The following DENND4A variants were observed in gnomAD, a reference collection of about 807,000 sequenced individuals.
The protein encoded by DENND4A is DENN domain containing 4A, also known as C-myc promoter-binding protein.
DENND4A carries 70 observed loss-of-function variants against 199.3 expected under a neutral mutation model. The ratio of observed to expected loss-of-function variants is 0.35; its 90% CI spans 0.29 to 0.43. The LOEUF (loss-of-function observed/expected upper bound fraction) is 0.43. DENND4A is among the 20% of genes least tolerant of loss of function. The probability of loss-of-function intolerance (pLI) is 1.00; values close to 1 mark genes in which losing one functional copy is unlikely to be tolerated. For missense variants in DENND4A, 1,723 were observed against 2,255.8 expected, an observed-to-expected ratio of 0.76 and a Z score of 4.78; for synonymous variants, 686 against 766.9, an observed-to-expected ratio of 0.89 and a Z score of 1.74.
chr15:65,692,401 T>C (rs1261015566), intron 22 of DENND4A, among the ~76,000 whole-genome samples: 1 of 152,228 alleles, frequency 6.6e-6, no homozygotes, highest in Admixed American at 6.5e-5. Context: ...ATCACTTTAA[T>C]TGTTCTTACT....
At chr15:65,735,832 T>C (rs2076100359) in intron 7 of DENND4A, among the ~76,000 whole-genome samples, 1 of 152,150 alleles carries the variant, frequency 6.6e-6, no homozygotes, top group Non-Finnish European at 1.5e-5. Flanking sequence ...GGCTCACACC[T>C]GTAATCCCCA....
chr15:65,683,348 TGATA>T (rs2076646818), intron 23 of DENND4A, among the ~76,000 whole-genome samples: 1 of 152,236 alleles, frequency 6.6e-6, no homozygotes, highest in South Asian at 2.1e-4. Flanking sequence ...TTGGTTTTAT[TGATA>T]TTCTTATGCT....
At chr15:65,694,625 A>G (rs1474145757) in intron 22 of DENND4A, among the ~76,000 whole-genome samples, 1 of 152,214 alleles carries the variant, frequency 6.6e-6, no homozygotes, top group Non-Finnish European at 1.5e-5. Flanking sequence ...GTACTGCAAA[A>G]TATAAATAAA....
chr15:65,786,570 G>GA (rs548521096), intron 1 of DENND4A, among the ~76,000 whole-genome samples: 4 of 148,452 alleles, frequency 2.7e-5, no homozygotes, highest in Admixed American at 1.3e-4. Flanking sequence ...TCTCTAAAAA[G>GA]AAAAAAAAAT....
intron 2 of DENND4A, among the ~76,000 whole-genome samples, chr15:65,758,224 T>C (rs2076763563): frequency 6.6e-6 from 1 of 152,198 alleles, no homozygotes; most frequent in Non-Finnish European, 1.5e-5. Flanking sequence ...AATGCATGCT[T>C]ACAACAGATT....
At position 65,664,883 on chromosome 15, in the gene DENND4A, AGACAAATAAT is replaced by A. The variant is rs530288032; in HGVS notation, c.5360-171_5360-162del. ...CCAAGAATGAAGAAAGCAAAAAATA[AGACAAATAAT>A]GACAAAAAAAGGTCTAAAGCTTTCT... On this transcript the variant is annotated intron_variant, in intron 30 of 32. Transcript: ENST00000443035. The A allele has an allele frequency of 2.4e-4, 148 of 618,480 alleles. 1 individual carries two copies. In the East Asian group the frequency reaches 3.7e-3, roughly 15 times the overall value. 38.3% of individuals were successfully genotyped at this position (618,480 alleles called of 1,614,324 possible). A position where few individuals can be genotyped will look rare whatever the true frequency, so the allele number is the denominator to read the frequency against.
chr15:65,756,694 T>C (rs1459435584), intron 2 of DENND4A, among the ~76,000 whole-genome samples: 2 of 152,326 alleles, frequency 1.3e-5, no homozygotes, highest in African/African-American at 4.8e-5. Flanking sequence ...ATTTTGGCAA[T>C]AGTGAAACCT....
At chr15:65,725,972 T>G (rs1017028150) in intron 11 of DENND4A, 1 of 152,176 alleles carries the variant, frequency 6.6e-6, no homozygotes, top group African/African-American at 2.4e-5. Flanking sequence ...AGTTCGCTAG[T>G]CTAGTCCTCC....
At chr15:65,709,719 A>AAAAATATATATATATAT (rs1218030026) in intron 14 of DENND4A, among the ~76,000 whole-genome samples, 9 of 51,468 alleles carry the variant, frequency 1.7e-4, no homozygotes, top group African/African-American at 4.0e-4. Flanking sequence ...AAAAAAAAAA[A>AAAAATATATATATATAT]ATATATATAT....
rs146445948 is a variant in DENND4A at position 65,752,859 on chromosome 15, C to T, written c.312-231G>A. On this transcript the variant is annotated intron_variant, in intron 3 of 32. Transcript: ENST00000443035. ...AAACCATTGTGTTTGTTAATATAAA[C>T]CAGAGAAAGGTACAATTAAATGTGA... 2.5e-4 allele frequency among the ~76,000 whole-genome samples: 38 copies of T among 152,136 alleles called. No homozygotes were observed. In the East Asian group the frequency reaches 7.3e-3, roughly 29 times the overall value.
At chr15:65,693,206 C>T (rs1471200758) in intron 22 of DENND4A, among the ~76,000 whole-genome samples, 1 of 152,050 alleles carries the variant, frequency 6.6e-6, no homozygotes, top group African/African-American at 2.4e-5. Context: ...GACATAATTC[C>T]GGCCAGTGAT....
At position 65,706,073 on chromosome 15, in the gene DENND4A, A is replaced by G; in HGVS notation, c.2087+18T>C. On this transcript the variant is annotated intron_variant, in intron 15 of 32. Coordinates refer to ENST00000443035, the MANE Select transcript of DENND4A (RefSeq NM_001320835.1). ...TTGCTTCTCTCTTTCAATCTCAAACATTCTGCCTCTTGAATACCTGTACTG... is the reference window on the plus strand; with the variant it reads ...TTGCTTCTCTCTTTCAATCTCAAACGTTCTGCCTCTTGAATACCTGTACTG... 3 of 1,534,154 alleles carry G rather than the reference A, an allele frequency of 2.0e-6. No homozygotes were observed. The highest frequency in any genetic ancestry group is 1.8e-6 in the Non-Finnish European group (2 of 1,141,216).
At chr15:65,708,439 G>A (rs2075132465) in intron 14 of DENND4A, among the ~76,000 whole-genome samples, 1 of 152,082 alleles carries the variant, frequency 6.6e-6, no homozygotes, top group East Asian at 1.9e-4. Flanking sequence ...AACTGCTCTA[G>A]TTTTCGGTAA....
intron 22 of DENND4A, among the ~76,000 whole-genome samples, chr15:65,696,033 T>C (rs1335874144): frequency 6.6e-6 from 1 of 152,170 alleles, no homozygotes; most frequent in African/African-American, 2.4e-5. Flanking sequence ...TAATAAGCCA[T>C]ATACTTCATT....
chr15:65,684,920 C>T (rs183352487), intron 23 of DENND4A, among the ~76,000 whole-genome samples: 3 of 147,564 alleles, frequency 2.0e-5, no homozygotes, highest in African/African-American at 7.5e-5. Flanking sequence ...CGCCTCCGGG[C>T]TTCAAGCGAT....
Position 65,697,387 on chromosome 15 carries a change from G to A in DENND4A, c.2834-4C>T. 1.9e-6 allele frequency: 3 copies of A among 1,564,490 alleles called. No homozygotes were observed. The highest frequency in any genetic ancestry group is 1.2e-5 in the South Asian group (1 of 86,734). On this transcript the variant is annotated splice_region_variant and splice_polypyrimidine_tract_variant and intron_variant, in intron 20 of 32. Transcript: ENST00000443035. ...TATCCAAGATCAGACTGGCCACCTG[G>A]TAAAAACAAAAATAAACAAAACTCT...
intron 2 of DENND4A, among the ~76,000 whole-genome samples, chr15:65,756,687 T>C (rs1350227302): frequency 6.6e-6 from 1 of 152,230 alleles, no homozygotes; most frequent in Non-Finnish European, 1.5e-5. Flanking sequence ...ATTCCCAATT[T>C]TGGCAATAGT....
intron 5 of DENND4A, among the ~76,000 whole-genome samples, chr15:65,739,094 A>G (rs1479974452): frequency 6.6e-6 from 1 of 152,214 alleles, no homozygotes; most frequent in Non-Finnish European, 1.5e-5. Flanking sequence ...ATCAAGCTTC[A>G]TCTATAAAGG....
intron 1 of DENND4A, among the ~76,000 whole-genome samples, chr15:65,779,563 C>T (rs2077381965): frequency 1.3e-5 from 2 of 152,122 alleles, no homozygotes. Context: ...AATCATAGCT[C>T]ACTGCTGCCT....
Sources: gnomAD v4.1 joint callset for allele counts (sites outside exome capture counted in the v4.1 genomes callset) on GRCh38, gnomAD v4.1.1 for gene constraint, MANE v1.5 for transcripts, NCBI Gene and HGNC (gene_info 2026-07-23, HGNC 2026-07-21) for gene names.